THSD7B: variants seen among roughly 807,000 people sequenced by gnomAD.
THSD7B encodes thrombospondin type 1 domain containing 7B.
Under a neutral mutation model 213.6 loss-of-function variants are expected in THSD7B, and 138 were observed. That is an observed-to-expected ratio of 0.65 (90% CI 0.56 to 0.74). The LOEUF (loss-of-function observed/expected upper bound fraction) is 0.74, where lower values mean the gene tolerates loss of function less well. Ranked by LOEUF, THSD7B falls within the 30% of genes least tolerant of loss-of-function variation. The pLI is 0.00. For missense variants in THSD7B, 1,931 were observed against 1,991.5 expected, an observed-to-expected ratio of 0.97 and a Z score of 0.58; for synonymous variants, 742 against 687.0, an observed-to-expected ratio of 1.08 and a Z score of -1.25.
rs552202129 is a variant in THSD7B, at chr2:137,652,715, CAT to C, written c.3946-2784_3946-2783del. 7.4e-4 allele frequency among the ~76,000 whole-genome samples: 112 copies of C among 152,150 alleles called. 1 individual carries two copies. The highest frequency in any genetic ancestry group is 6.4e-3 in the South Asian group (31 of 4,820). On this transcript the variant is annotated intron_variant, in intron 21 of 27. Transcript: ENST00000409968. ...TGCGTTTTACTTCTGGTAAACCTAT[CAT>C]AAGTTTTTGCATTATGGTTACCACG...
chr2:137,210,359 A>C (rs2196350), intron 7 of THSD7B, among the ~76,000 whole-genome samples: 1 of 151,390 alleles, frequency 6.6e-6, no homozygotes, highest in Admixed American at 6.6e-5. Context: ...AAATTCTGTC[A>C]TGTGGAGTTG....
At chr2:136,908,034 T>G (rs1684195675) in intron 2 of THSD7B, among the ~76,000 whole-genome samples, 1 of 152,184 alleles carries the variant, frequency 6.6e-6, no homozygotes, top group Non-Finnish European at 1.5e-5. Context: ...ATTGAGTGAT[T>G]TACTTTTCAT....
At chr2:137,386,525 G>A (rs951013034) in intron 12 of THSD7B, among the ~76,000 whole-genome samples, 5 of 152,072 alleles carry the variant, frequency 3.3e-5, no homozygotes, top group Admixed American at 1.3e-4. Context: ...ATGACCTCTC[G>A]AAATAAATTC....
intron 2 of THSD7B, among the ~76,000 whole-genome samples, chr2:137,039,355 G>A (rs1180087059): frequency 2.0e-5 from 3 of 152,178 alleles, no homozygotes; most frequent in African/African-American, 7.2e-5. Flanking sequence ...CTCTGCTATG[G>A]TGATTTTGCT....
At chr2:137,337,697 T>A (rs1434562584) in intron 12 of THSD7B, among the ~76,000 whole-genome samples, 1 of 152,128 alleles carries the variant, frequency 6.6e-6, no homozygotes, top group Admixed American at 6.6e-5. Context: ...ATAGTGATTA[T>A]CTAGTTTTCA....
At chr2:136,996,351 CT>C (rs1214944626) in intron 2 of THSD7B, among the ~76,000 whole-genome samples, 3 of 150,068 alleles carry the variant, frequency 2.0e-5, no homozygotes, top group African/African-American at 4.9e-5. Context: ...TTTTTCTTTT[CT>C]TTTTTTTCAG....
chr2:137,374,744 A>G (rs1330938441), intron 12 of THSD7B, among the ~76,000 whole-genome samples: 3 of 152,252 alleles, frequency 2.0e-5, no homozygotes, highest in South Asian at 2.1e-4. Flanking sequence ...AACAATACAC[A>G]TAAGAGTGCA....
At chr2:137,320,332 T>G (rs1161230663) in intron 12 of THSD7B, among the ~76,000 whole-genome samples, 1 of 152,208 alleles carries the variant, frequency 6.6e-6, no homozygotes. Flanking sequence ...TTGTTAATCA[T>G]TTTTGCATAC....
At chr2:137,493,609 C>T (rs948555526) in intron 15 of THSD7B, among the ~76,000 whole-genome samples, 2 of 152,150 alleles carry the variant, frequency 1.3e-5, no homozygotes, top group Admixed American at 6.5e-5. Flanking sequence ...AAGGTTAGCT[C>T]GTGAGTCCAA....
In THSD7B at chr2:137,450,829, A is replaced by G; in HGVS notation, c.2960-16A>G. The G allele has an allele frequency of 2.5e-6, 4 of 1,569,972 alleles. No individual in the cohort carries two copies. Among genetic ancestry groups the G allele is most frequent in the Non-Finnish European group, 3.5e-6 (4 of 1,156,336 alleles). ...ATTTTAATCAGACTTTCTTCTCTTA[A>G]ATCTTTTTCTGTCAGGTTACATTCA... On this transcript the variant is annotated splice_polypyrimidine_tract_variant and intron_variant, in intron 14 of 27. Coordinates refer to ENST00000409968, the MANE Select transcript of THSD7B (RefSeq NM_001316349.2).
At chr2:136,803,426 A>G (rs1206269675) in intron 1 of THSD7B, among the ~76,000 whole-genome samples, 1 of 152,186 alleles carries the variant, frequency 6.6e-6, no homozygotes, top group Non-Finnish European at 1.5e-5. Context: ...AAAGCTAAAT[A>G]TCTGTCTGCA....
chr2:137,267,900 G>A (rs1383227981), intron 10 of THSD7B, among the ~76,000 whole-genome samples: 2 of 152,210 alleles, frequency 1.3e-5, no homozygotes, highest in Non-Finnish European at 2.9e-5. Context: ...TGAGTATTCA[G>A]TGGAAAAGGA....
chr2:137,008,858 T>G (rs1283613506), intron 2 of THSD7B, among the ~76,000 whole-genome samples: 5 of 152,194 alleles, frequency 3.3e-5, no homozygotes, highest in African/African-American at 4.8e-5. Context: ...TATTTTTTCA[T>G]TTTTGAATGA....
At position 137,094,733 on chromosome 2, in the gene THSD7B, GTC is replaced by G. The variant is rs549525607; in HGVS notation, c.951-136_951-135del. 9.4e-4 allele frequency: 940 copies of G among 1,004,592 alleles called. 1 individual carries two copies. Among genetic ancestry groups the G allele is most frequent in the Non-Finnish European group, 1.1e-3 (774 of 688,808 alleles). The allele number at this position is 1,004,592 out of a possible 1,614,324, so 62.2% of individuals were successfully genotyped here. ...ACACTCTTCAATATTTTTTCATGAT[GTC>G]TCTAAAATTTTTTAAAAATCTTCCT... On this transcript the variant is annotated intron_variant, in intron 3 of 27. Coordinates refer to ENST00000409968, the MANE Select transcript of THSD7B (RefSeq NM_001316349.2).
chr2:137,674,404 A>G (rs976016460), intron 27 of THSD7B, among the ~76,000 whole-genome samples: 21 of 151,964 alleles, frequency 1.4e-4, no homozygotes, highest in African/African-American at 5.1e-4. Context: ...AAGACAACCC[A>G]CCCCATCACC....
intron 20 of THSD7B, among the ~76,000 whole-genome samples, chr2:137,637,888 T>A (rs908661492): frequency 2.6e-5 from 4 of 152,198 alleles, no homozygotes; most frequent in African/African-American, 9.7e-5. Context: ...TGGAACAGCC[T>A]GCAATTATAA....
intron 7 of THSD7B, among the ~76,000 whole-genome samples, chr2:137,219,132 A>G (rs1361202842): frequency 6.6e-6 from 1 of 152,084 alleles, no homozygotes; most frequent in African/African-American, 2.4e-5. Flanking sequence ...GTTTCATTAT[A>G]CTTCTTCAAT....
intron 7 of THSD7B, among the ~76,000 whole-genome samples, chr2:137,227,561 A>G (rs1452202457): frequency 6.6e-6 from 1 of 152,156 alleles, no homozygotes; most frequent in Non-Finnish European, 1.5e-5. Flanking sequence ...GAAAATAAAA[A>G]CAGGAAAGCA....
At chr2:136,854,455 A>G (rs528885519) in intron 1 of THSD7B, among the ~76,000 whole-genome samples, 22 of 151,828 alleles carry the variant, frequency 1.4e-4, no homozygotes, top group African/African-American at 3.9e-4. Context: ...TAACTACACA[A>G]CTTTCTAACC....
Sources: allele counts gnomAD v4.1 joint callset (sites outside exome capture counted in the v4.1 genomes callset), GRCh38; gene constraint gnomAD v4.1.1; transcripts MANE v1.5; gene names NCBI Gene and HGNC (gene_info 2026-07-23, HGNC 2026-07-21).